The following TMC2 variants were observed in gnomAD, a reference collection of about 807,000 sequenced individuals.
TMC2 encodes transmembrane channel-like protein 2.
TMC2 carries 102 observed loss-of-function variants against 105.9 expected under a neutral mutation model. The ratio of observed to expected loss-of-function variants is 0.96; its 90% CI spans 0.82 to 1.14. TMC2 has a LOEUF of 1.14. Ranked by LOEUF, TMC2 falls within the 50% of genes most tolerant of loss-of-function variation. TMC2 has a pLI of 0.00. For synonymous variants in TMC2, 402 were observed against 422.8 expected (o/e 0.95, Z 0.60); for missense variants, 1,093 against 1,134.3 (o/e 0.96, Z 0.52).
rs537067107 is a variant in TMC2 at position 2,558,851 on chromosome 20, G to A, written c.401+77G>A. ...CGCGGCCCTTCCCCTTCCCCCGTGA[G>A]GGACTGATGCCCCCCTCCCCGGGGA... On this transcript the variant is annotated intron_variant, in intron 3 of 19. Coordinates refer to ENST00000358864, the MANE Select transcript of TMC2 (RefSeq NM_080751.3). The surrounding 1 kb of genome is among the most constrained non-coding windows in gnomAD (Gnocchi z 4.6). 3 of 1,398,516 alleles carry A rather than the reference G, an allele frequency of 2.1e-6. No individual in the cohort carries two copies. In the African/African-American group the frequency reaches 4.4e-5, roughly 20 times the overall value. The allele number at this position is 1,398,516 out of a possible 1,614,324, so 86.6% of individuals were successfully genotyped here.
At chr20:2,566,286 T>C (rs1263224723) in intron 4 of TMC2, among the ~76,000 whole-genome samples, 1 of 152,194 alleles carries the variant, frequency 6.6e-6, no homozygotes, top group Non-Finnish European at 1.5e-5. Flanking sequence ...GCCCAGCATA[T>C]AATATGCAAT....
At chr20:2,606,891 C>CTTTTTTTTTTTTTTTTTT (rs11476357) in intron 11 of TMC2, among the ~76,000 whole-genome samples, 5 of 83,980 alleles carry the variant, frequency 6.0e-5, no homozygotes, top group Non-Finnish European at 6.6e-5. Context: ...TTTCTTTTTT[C>CTTTTTTTTTTTTTTTTTT]TTTTTTTTTT....
At chr20:2,567,637 T>C (rs1247319118) in intron 4 of TMC2, among the ~76,000 whole-genome samples, 3 of 152,018 alleles carry the variant, frequency 2.0e-5, no homozygotes, top group African/African-American at 7.2e-5. Context: ...GCTCAAGCAA[T>C]CCTCCCACCT....
intron 2 of TMC2, among the ~76,000 whole-genome samples, chr20:2,545,900 GAAAGAAAA>G (rs1233451514): frequency 3.3e-5 from 4 of 121,340 alleles, no homozygotes; most frequent in Non-Finnish European, 7.0e-5. Flanking sequence ...ATGAAAGAAA[GAAAGAAAA>G]AAAGAAAGAA....
chr20:2,617,077 G>T lies in TMC2; in HGVS notation c.1946G>T (p.Gly649Val), dbSNP rs1251823961. The T allele has an allele frequency of 1.9e-6, 3 of 1,614,034 alleles. No individual in the cohort carries two copies. The Admixed American group carries it at 5.0e-5, about 27-fold the overall frequency. The change falls in exon 16 of 20, where the codon GGC becomes GTC. Residue 649 changes from glycine to valine, a missense_variant. Gly to Val is a moderately radical substitution (Grantham distance 109). Transcript: ENST00000358864. The part of the protein sequence containing the change: ...LIFNQGMIWM[G>V]SFYAPGLVGI... Reference sequence around the variant, plus strand: ...TTTGGTTTCTGCCATTCCAGGATGGGCTCCTTCTATGCTCCAGGCCTGGTG... The same window carrying T: ...TTTGGTTTCTGCCATTCCAGGATGGTCTCCTTCTATGCTCCAGGCCTGGTG...
At chr20:2,632,024 CTTTT>C (rs771526409) in intron 17 of TMC2, among the ~76,000 whole-genome samples, 1 of 137,280 alleles carries the variant, frequency 7.3e-6, no homozygotes, top group Non-Finnish European at 1.6e-5. Flanking sequence ...TTCATTGATT[CTTTT>C]TTTTTTTTTT....
intron 11 of TMC2, among the ~76,000 whole-genome samples, chr20:2,604,262 G>C (rs2086373044): frequency 1.3e-5 from 2 of 152,218 alleles, no homozygotes. Context: ...AGATGGGTCT[G>C]TTCTCTTTAT....
intron 16 of TMC2, among the ~76,000 whole-genome samples, chr20:2,622,033 AAAT>A (rs770590965): frequency 9.3e-4 from 142 of 152,272 alleles, no homozygotes; most frequent in Non-Finnish European, 1.7e-3. Context: ...CTGGAAATAA[AAAT>A]AATAATAATA....
chr20:2,544,447 C>G (rs1304563916), intron 2 of TMC2, among the ~76,000 whole-genome samples: 3 of 152,116 alleles, frequency 2.0e-5, no homozygotes, highest in Non-Finnish European at 4.4e-5. Context: ...GTCCATGTAA[C>G]CAAATATGAG....
Position 2,613,190 on chromosome 20 carries a change from G to C in TMC2, c.1744-4G>C, listed in dbSNP as rs2086454332. On this transcript the variant is annotated splice_region_variant and splice_polypyrimidine_tract_variant and intron_variant, in intron 13 of 19. Transcript: ENST00000358864. ...CCACCCCCTCTTCCTGTGTTCCTCT[G>C]CAGGAATTCATGAGGCTGACGGTGT... is the stretch of plus-strand genomic sequence containing the variant. 1.2e-6 allele frequency: 2 copies of C among 1,611,816 alleles called. No homozygotes were observed. Among genetic ancestry groups the C allele is most frequent in the Non-Finnish European group, 1.7e-6 (2 of 1,178,244 alleles).
At chr20:2,584,968 A>G (rs1369538782) in intron 7 of TMC2, among the ~76,000 whole-genome samples, 6 of 151,906 alleles carry the variant, frequency 3.9e-5, no homozygotes, top group African/African-American at 1.5e-4. Flanking sequence ...ATTGCAAGCA[A>G]TCTCCTCTCC....
rs866529430 is a variant in TMC2 at position 2,594,849 on chromosome 20, T to C, written c.958T>C (p.Phe320Leu). Residue 320 changes from phenylalanine (F) to leucine (L), a missense_variant, in exon 9 of 20, where the codon TTC becomes CTC. By Grantham distance (22) the Phe-to-Leu change is conservative. Coordinates refer to ENST00000358864, the MANE Select transcript of TMC2 (RefSeq NM_080751.3). ...FEGYIKYSAL[F>L]YGYYNNQRTI... ...GGGCTATATCAAGTACTCTGCACTC[T>C]TCTATGGCTACTACAACAACCAGAG... 3 of 1,614,162 alleles carry C rather than the reference T, an allele frequency of 1.9e-6. No individual in the cohort carries two copies. Among genetic ancestry groups the C allele is most frequent in the Middle Eastern group, 1.6e-4 (1 of 6,062 alleles).
chr20:2,622,606 C>T (rs1425876019), intron 16 of TMC2, among the ~76,000 whole-genome samples: 1 of 151,812 alleles, frequency 6.6e-6, no homozygotes, highest in Non-Finnish European at 1.5e-5. Context: ...GCTTGAAACC[C>T]AGAGGCAGAG....
At chr20:2,610,644 A>C (rs755387882) in intron 12 of TMC2, 46 bp downstream of exon 12, 1 of 1,216,534 alleles carries the variant, frequency 8.2e-7, no homozygotes, top group African/African-American at 1.6e-5. Context: ...CCTGGTGCCC[A>C]TAGTATTTTC....
intron 8 of TMC2, among the ~76,000 whole-genome samples, chr20:2,594,510 G>A (rs978304451): frequency 1.3e-5 from 2 of 152,150 alleles, no homozygotes; most frequent in Non-Finnish European, 2.9e-5. Context: ...TTACGGGCGT[G>A]AGCCACAGTG....
chr20:2,613,130 T>G lies in TMC2; in HGVS notation c.1744-64T>G. The G allele has an allele frequency of 5.1e-6, 8 of 1,568,198 alleles. No individual in the cohort carries two copies. The South Asian group carries it at 7.3e-5, about 14-fold the overall frequency. Reference sequence around the variant, plus strand: ...AGTTTATTAGACTCTCAACAAACTCTCAGGGAGGGTGGGAGAAGTGGGCAA... The same window carrying G: ...AGTTTATTAGACTCTCAACAAACTCGCAGGGAGGGTGGGAGAAGTGGGCAA... On this transcript the variant is annotated intron_variant, in intron 13 of 19. Coordinates refer to ENST00000358864, the MANE Select transcript of TMC2 (RefSeq NM_080751.3).
In TMC2 at chr20:2,572,278, G is replaced by C. The variant is rs376699284; in HGVS notation, c.645+9G>C. ...AGATGCTGATGGCCAAGGTGTGTGGGGTGGGGGCAGTGAATCTGTTGGGAG... is the reference window on the plus strand; with the variant it reads ...AGATGCTGATGGCCAAGGTGTGTGGCGTGGGGGCAGTGAATCTGTTGGGAG... On this transcript the variant is annotated intron_variant, in intron 5 of 19. Coordinates refer to ENST00000358864, the MANE Select transcript of TMC2 (RefSeq NM_080751.3). The C allele has an allele frequency of 6.2e-7, 1 of 1,606,152 alleles. No individual in the cohort carries two copies. Among genetic ancestry groups the C allele is most frequent in the Non-Finnish European group, 8.5e-7 (1 of 1,173,196 alleles).
intron 17 of TMC2, among the ~76,000 whole-genome samples, chr20:2,634,205 C>T (rs1283433149): frequency 6.6e-6 from 1 of 152,186 alleles, no homozygotes; most frequent in African/African-American, 2.4e-5. Context: ...CAGTTTCCTG[C>T]CCGCTGCTCA....
At chr20:2,589,270 C>CTGTGTG (rs750496572) in intron 7 of TMC2, among the ~76,000 whole-genome samples, 4,017 of 115,982 alleles carry the variant, frequency 0.035, 177 homozygotes, top group East Asian at 0.062. Flanking sequence ...CCTATTTGCC[C>CTGTGTG]TGTGTGTGTG....
Sources: gnomAD v4.1 joint callset for allele counts (sites outside exome capture counted in the v4.1 genomes callset) on GRCh38, gnomAD v4.1.1 for gene constraint, Gnocchi (gnomAD v3.1) non-coding constraint, MANE v1.5 for transcripts, NCBI Gene and HGNC (gene_info 2026-07-23, HGNC 2026-07-21) for gene names.